Variants in WWOX observed in about 807,000 individuals in gnomAD.
WWOX encodes the protein WW domain-containing oxidoreductase.
A neutral mutation model predicts 46.2 loss-of-function variants in WWOX; 69 were observed. The observed-to-expected ratio is 1.49, with a 90% CI of 1.23 to 1.82. WWOX has a LOEUF of 1.82. WWOX is among the 40% of genes most tolerant of loss of function. WWOX has a pLI of 0.00. For synonymous variants in WWOX, 359 were observed against 202.6 expected (o/e 1.77, Z -6.56); for missense variants, 919 against 542.6 (o/e 1.69, Z -6.89).
At chr16:78,400,071 C>T (rs1346443147) in intron 6 of WWOX, among the ~76,000 whole-genome samples, 1 of 152,050 alleles carries the variant, frequency 6.6e-6, no homozygotes, top group African/African-American at 2.4e-5. Flanking sequence ...TATTGCATAC[C>T]TTGTCATTCA....
intron 8 of WWOX, among the ~76,000 whole-genome samples, chr16:78,754,100 T>C (rs1330966561): frequency 2.0e-5 from 3 of 151,888 alleles, no homozygotes; most frequent in East Asian, 3.9e-4. Context: ...ATTATTAGAT[T>C]GTGATTATAA....
intron 8 of WWOX, chr16:78,503,810 C>T (rs890575412): frequency 1.3e-5 from 2 of 152,174 alleles, no homozygotes; most frequent in Admixed American, 1.3e-4. Flanking sequence ...TGGAAGAGAA[C>T]AGATGTCGAC....
At chr16:78,443,339 A>G (rs1488661027) in intron 8 of WWOX, among the ~76,000 whole-genome samples, 1 of 152,002 alleles carries the variant, frequency 6.6e-6, no homozygotes, top group Non-Finnish European at 1.5e-5. Flanking sequence ...CTATATGTGC[A>G]AGCCTCAGGA....
At chr16:78,892,757 T>G (rs1019142118) in intron 8 of WWOX, among the ~76,000 whole-genome samples, 2 of 152,178 alleles carry the variant, frequency 1.3e-5, no homozygotes, top group African/African-American at 4.8e-5. Context: ...TCCCACAACT[T>G]TCTAACCTCT....
At chr16:79,108,293 C>T (rs59536929) in intron 8 of WWOX, among the ~76,000 whole-genome samples, 1 of 152,240 alleles carries the variant, frequency 6.6e-6, no homozygotes, top group Non-Finnish European at 1.5e-5. Context: ...GCAGTGCCTT[C>T]TTGACACACA....
chr16:78,390,110 A>G (rs1401465596), intron 6 of WWOX, among the ~76,000 whole-genome samples: 6 of 152,196 alleles, frequency 3.9e-5, no homozygotes, highest in African/African-American at 1.4e-4. Context: ...AGGGTCACTT[A>G]GCAGGTTGGT....
intron 5 of WWOX, among the ~76,000 whole-genome samples, chr16:78,383,754 A>G (rs1181646071): frequency 3.9e-5 from 6 of 152,120 alleles, no homozygotes; most frequent in Non-Finnish European, 8.8e-5. Flanking sequence ...ATTTCTCAGG[A>G]TTGGTAGCAG....
intron 8 of WWOX, among the ~76,000 whole-genome samples, chr16:78,522,772 G>T (rs1238566574): frequency 3.3e-5 from 5 of 152,128 alleles, no homozygotes; most frequent in Non-Finnish European, 5.9e-5. Flanking sequence ...ATCTGGTAGG[G>T]TTAAAAATCT....
chr16:78,600,810 G>A (rs148776420), intron 8 of WWOX, among the ~76,000 whole-genome samples: 15 of 152,206 alleles, frequency 9.9e-5, no homozygotes, highest in African/African-American at 2.4e-4. Context: ...CCTTTGAATC[G>A]GATGTCTAGA....
intron 8 of WWOX, among the ~76,000 whole-genome samples, chr16:78,490,133 A>AATTT (rs1555548516): frequency 7.1e-6 from 1 of 141,064 alleles, no homozygotes. Context: ...TGGGGAAAAA[A>AATTT]TTTTTTTTTT....
At chr16:79,052,747 A>G (rs931149008) in intron 8 of WWOX, among the ~76,000 whole-genome samples, 1 of 152,198 alleles carries the variant, frequency 6.6e-6, no homozygotes, top group African/African-American at 2.4e-5. Flanking sequence ...TGGCGAGTGT[A>G]CCCTTTCTGC....
chr16:79,131,628 T>C (rs987293306), intron 8 of WWOX, among the ~76,000 whole-genome samples: 2 of 152,108 alleles, frequency 1.3e-5, no homozygotes, highest in East Asian at 3.9e-4. Context: ...TGGAAGGATA[T>C]ATATTGAGGC....
At chr16:79,009,419 G>A (rs1279973497) in intron 8 of WWOX, among the ~76,000 whole-genome samples, 1 of 152,030 alleles carries the variant, frequency 6.6e-6, no homozygotes, top group African/African-American at 2.4e-5. Flanking sequence ...AGAGAGGAGT[G>A]GGCAAAAGGA....
intron 8 of WWOX, among the ~76,000 whole-genome samples, chr16:79,181,054 A>G (rs1387022085): frequency 3.9e-5 from 6 of 152,224 alleles, no homozygotes; most frequent in Non-Finnish European, 4.4e-5. Flanking sequence ...AAGTCAAACA[A>G]TATGAATATA....
chr16:79,033,688 G>A (rs944274511), intron 8 of WWOX, among the ~76,000 whole-genome samples: 1 of 152,124 alleles, frequency 6.6e-6, no homozygotes, highest in African/African-American at 2.4e-5. Flanking sequence ...AAACTGAAAC[G>A]CTGTACCCAC....
chr16:78,655,627 G>C (rs1192267063), intron 8 of WWOX, among the ~76,000 whole-genome samples: 2 of 151,926 alleles, frequency 1.3e-5, no homozygotes, highest in East Asian at 3.9e-4. Context: ...GCTAAGTAGT[G>C]ATAATTGGGT....
intron 8 of WWOX, among the ~76,000 whole-genome samples, chr16:78,518,811 T>C (rs929695282): frequency 1.3e-5 from 2 of 152,158 alleles, no homozygotes; most frequent in African/African-American, 4.8e-5. Flanking sequence ...AGCTGGGTGG[T>C]AGAGAAATGG....
intron 8 of WWOX, among the ~76,000 whole-genome samples, chr16:78,644,154 G>A (rs2046787016): frequency 6.6e-6 from 1 of 152,098 alleles, no homozygotes; most frequent in Admixed American, 6.5e-5. Flanking sequence ...CCTGGGAGGT[G>A]GAGGTTGTGG....
At chr16:78,705,274 T>A (rs762386803) in intron 8 of WWOX, among the ~76,000 whole-genome samples, 6 of 152,230 alleles carry the variant, frequency 3.9e-5, no homozygotes, top group African/African-American at 1.4e-4. Context: ...ATTTATCAAA[T>A]GTTGTCCTGC....
Sources: allele counts gnomAD v4.1 joint callset (sites outside exome capture counted in the v4.1 genomes callset), GRCh38; gene constraint gnomAD v4.1.1; transcripts MANE v1.5; gene names NCBI Gene and HGNC (gene_info 2026-07-23, HGNC 2026-07-21).